TMEM132D: variants seen among roughly 807,000 people sequenced by gnomAD.
TMEM132D encodes mature OL transmembrane protein.
TMEM132D carries 21 observed loss-of-function variants against 62.3 expected under a neutral mutation model. The ratio of observed to expected loss-of-function variants is 0.34; its 90% CI spans 0.24 to 0.49. TMEM132D has a LOEUF of 0.49. Among genes scored for constraint, TMEM132D ranks in the 20% least tolerant of loss-of-function variants. The probability of loss-of-function intolerance (pLI) is 0.99; values close to 1 mark genes in which losing one functional copy is unlikely to be tolerated. For missense variants in TMEM132D, 1,346 were observed against 1,402.8 expected (o/e 0.96, Z 0.65); for synonymous variants, 621 against 575.6 (o/e 1.08, Z -1.13).
intron 4 of TMEM132D, among the ~76,000 whole-genome samples, chr12:129,321,118 A>C (rs904382397): frequency 6.6e-6 from 1 of 152,238 alleles, no homozygotes; most frequent in Admixed American, 6.5e-5. Flanking sequence ...ATAGAAAAGC[A>C]TGGGTTTCCC....
At chr12:129,108,969 C>G (rs940912345) in intron 5 of TMEM132D, among the ~76,000 whole-genome samples, 6 of 152,296 alleles carry the variant, frequency 3.9e-5, no homozygotes, top group Middle Eastern at 3.4e-3. Flanking sequence ...CATCTGTTTA[C>G]CCCTCGATGC....
intron 3 of TMEM132D, among the ~76,000 whole-genome samples, chr12:129,386,173 T>G (rs1871100436): frequency 6.6e-6 from 1 of 152,156 alleles, no homozygotes; most frequent in South Asian, 2.1e-4. Context: ...ACTGAGAACA[T>G]TCTCTTGCCC....
chr12:129,399,869 T>G (rs960056814), intron 3 of TMEM132D, among the ~76,000 whole-genome samples: 1 of 150,718 alleles, frequency 6.6e-6, no homozygotes, highest in African/African-American at 2.5e-5. Flanking sequence ...TTGGAAAGAG[T>G]TGTGTGTGTG....
chr12:129,457,447 G>T (rs1324513080), intron 3 of TMEM132D, among the ~76,000 whole-genome samples: 3 of 89,138 alleles, frequency 3.4e-5, no homozygotes, highest in African/African-American at 7.1e-5. Flanking sequence ...TTGTGGGGTA[G>T]GGGGGAGGGG....
intron 5 of TMEM132D, among the ~76,000 whole-genome samples, chr12:129,138,067 T>C (rs929933453): frequency 6.6e-6 from 1 of 152,152 alleles, no homozygotes; most frequent in Non-Finnish European, 1.5e-5. Flanking sequence ...CACAAATTCA[T>C]ACAACTATAG....
intron 2 of TMEM132D, among the ~76,000 whole-genome samples, chr12:129,548,231 T>A (rs994960646): frequency 2.6e-5 from 4 of 152,144 alleles, no homozygotes; most frequent in African/African-American, 9.7e-5. Flanking sequence ...CTCAGCCCCA[T>A]CAGGGGCAGG....
At chr12:129,216,486 G>A (rs1196371437) in intron 4 of TMEM132D, among the ~76,000 whole-genome samples, 1 of 152,204 alleles carries the variant, frequency 6.6e-6, no homozygotes, top group Admixed American at 6.5e-5. Flanking sequence ...TGGAGCCAGA[G>A]ATTGGGGTGA....
chr12:129,704,895 T>A (rs1565955889), intron 1 of TMEM132D, among the ~76,000 whole-genome samples: 1 of 151,642 alleles, frequency 6.6e-6, no homozygotes, highest in Non-Finnish European at 1.5e-5. Flanking sequence ...ACAAAATGAC[T>A]TCGGAGCTCA....
intron 3 of TMEM132D, 51 bp downstream of exon 3, chr12:129,531,008 A>G (rs1876202335): frequency 6.8e-7 from 1 of 1,464,074 alleles, no homozygotes; most frequent in Non-Finnish European, 9.2e-7. Flanking sequence ...AAAAAAAATC[A>G]GGCCACATTT....
intron 2 of TMEM132D, among the ~76,000 whole-genome samples, chr12:129,585,061 G>A (rs778790472): frequency 1.6e-4 from 24 of 152,056 alleles, no homozygotes; most frequent in African/African-American, 5.8e-4. Context: ...TTAAAGAAAT[G>A]GATACAAATA....
At chr12:129,602,567 G>C (rs1040628218) in intron 2 of TMEM132D, among the ~76,000 whole-genome samples, 2 of 152,182 alleles carry the variant, frequency 1.3e-5, no homozygotes, top group African/African-American at 4.8e-5. Flanking sequence ...GCAGAAATGT[G>C]TTGGCCTCTG....
Position 129,337,697 on chromosome 12 carries a change from G to A in TMEM132D, c.1236C>T (p.Asp412=), listed in dbSNP as rs376780295. 1 of 1,614,216 alleles carries A rather than the reference G, an allele frequency of 6.2e-7. No individual in the cohort carries two copies. Among genetic ancestry groups the A allele is most frequent in the African/African-American group, 1.3e-5 (1 of 75,066 alleles). The part of the protein sequence containing the change: ...QVEYPGEITS[D]LGVSKIYVSP... ...TCACATAGATCTTGGACACTCCCAA[G>A]TCAGACGTGATCTCTCCGGGGTACT... The change falls in exon 4 of 9, where the codon GAC becomes GAT. Residue 412 remains aspartate (D), a synonymous_variant. Coordinates refer to ENST00000422113, the MANE Select transcript of TMEM132D (RefSeq NM_133448.3).
intron 5 of TMEM132D, among the ~76,000 whole-genome samples, chr12:129,175,159 T>C (rs1877867497): frequency 6.6e-6 from 1 of 152,238 alleles, no homozygotes; most frequent in African/African-American, 2.4e-5. Flanking sequence ...CATGCCTATG[T>C]CCTGAATGGT....
chr12:129,334,881 C>T (rs1869225505), intron 4 of TMEM132D, among the ~76,000 whole-genome samples: 1 of 152,028 alleles, frequency 6.6e-6, no homozygotes, highest in African/African-American at 2.4e-5. Context: ...TGAGCCACTG[C>T]ACCCAGCCCC....
At chr12:129,462,927 G>T (rs562611273) in intron 3 of TMEM132D, among the ~76,000 whole-genome samples, 1 of 152,200 alleles carries the variant, frequency 6.6e-6, no homozygotes, top group East Asian at 1.9e-4. Context: ...AGAGAGGTAG[G>T]TTCTTTTGCC....
intron 8 of TMEM132D, among the ~76,000 whole-genome samples, chr12:129,076,526 C>A (rs764956771): frequency 5.9e-5 from 9 of 152,184 alleles, no homozygotes; most frequent in Non-Finnish European, 1.2e-4. Flanking sequence ...GGCCTCTGCT[C>A]TTTCCTTCAG....
At chr12:129,193,015 G>A (rs1033165940) in intron 5 of TMEM132D, among the ~76,000 whole-genome samples, 1 of 152,056 alleles carries the variant, frequency 6.6e-6, no homozygotes, top group Non-Finnish European at 1.5e-5. Flanking sequence ...AAAATTAGCC[G>A]AGCGCGGTGG....
intron 1 of TMEM132D, among the ~76,000 whole-genome samples, chr12:129,721,063 C>T (rs1430055399): frequency 6.6e-6 from 1 of 152,172 alleles, no homozygotes; most frequent in Non-Finnish European, 1.5e-5. Flanking sequence ...GAGGACATGG[C>T]ATTTGAGCCG....
chr12:129,758,053 C>CAT (rs1870229335), intron 1 of TMEM132D, among the ~76,000 whole-genome samples: 1 of 152,100 alleles, frequency 6.6e-6, no homozygotes, highest in Non-Finnish European at 1.5e-5. Context: ...CAGGTGCCTG[C>CAT]CACCATGCTT....
Sources: allele counts gnomAD v4.1 joint callset (sites outside exome capture counted in the v4.1 genomes callset), GRCh38; gene constraint gnomAD v4.1.1; transcripts MANE v1.5; gene names NCBI Gene and HGNC (gene_info 2026-07-23, HGNC 2026-07-21).